LMOD3: variants seen among roughly 807,000 people sequenced by gnomAD.
The protein encoded by LMOD3 is leiomodin-3.
Under a neutral mutation model 41.8 loss-of-function variants are expected in LMOD3, and 31 were observed. The ratio of observed to expected loss-of-function variants is 0.74; its 90% confidence interval spans 0.56 to 1.00. LMOD3 has a LOEUF of 1.00. LMOD3 is among the 50% of genes least tolerant of loss of function. The pLI, the probability that LMOD3 is intolerant of heterozygous loss-of-function variation, is 0.00. For synonymous variants in LMOD3, 292 were observed against 241.9 expected (o/e 1.21, Z -1.92); for missense variants, 755 against 679.5 (o/e 1.11, Z -1.23).
intron 2 of LMOD3, among the ~76,000 whole-genome samples, chr3:69,113,526 C>T (rs2092358594): frequency 6.6e-6 from 1 of 152,118 alleles, no homozygotes; most frequent in Non-Finnish European, 1.5e-5. Context: ...TCATAACAAC[C>T]CCTAATGTGT....
chr3:69,113,438 AC>A (rs2092358221), intron 2 of LMOD3, among the ~76,000 whole-genome samples: 1 of 152,190 alleles, frequency 6.6e-6, no homozygotes, highest in Non-Finnish European at 1.5e-5. Flanking sequence ...GAGAAAGAAG[AC>A]CTCATAAATG....
At chr3:69,121,934 T>C (rs971137050) in intron 1 of LMOD3, among the ~76,000 whole-genome samples, 159 bp downstream of exon 1, 11 of 152,208 alleles carry the variant, frequency 7.2e-5, no homozygotes, top group Admixed American at 2.6e-4. Context: ...TTCAGAAAGT[T>C]CCAGTCGGAG....
At chr3:69,117,266 A>G (rs572005581) in intron 2 of LMOD3, among the ~76,000 whole-genome samples, 8 of 152,380 alleles carry the variant, frequency 5.3e-5, no homozygotes, top group African/African-American at 1.9e-4. Context: ...AGAATGGGCT[A>G]TTGATAATTC....
At chr3:69,120,185 A>G (rs1179278179) in intron 1 of LMOD3, 125 bp from the exon 2 acceptor site, 1 of 1,080,520 alleles carries the variant, frequency 9.3e-7, no homozygotes, top group East Asian at 2.8e-5. Flanking sequence ...AATAATCCTT[A>G]TTTAAATAGC....
At position 69,119,095 on chromosome 3, in the gene LMOD3, T is replaced by C. The variant is rs142390216; in HGVS notation, c.1260A>G (p.Leu420=). The change falls in exon 2 of 3, where the codon TTA becomes TTG. Residue 420 remains leucine (L), a synonymous_variant. Transcript: ENST00000420581. ...CAGGGGGCAGCCCCAACCCATTCTC[T>C]AACATGGCTATCAGCTTCTTCTGTT... The part of the protein sequence containing the change: ...LKEQKKLIAM[L]ENGLGLPPGM... 126 of 1,613,886 alleles carry C rather than the reference T, an allele frequency of 7.8e-5. No individual in the cohort carries two copies. The East Asian group carries it at 2.8e-3, about 36-fold the overall frequency.
chr3:69,120,188 T>A, intron 1 of LMOD3, 128 bp from the exon 2 acceptor site: 1 of 1,040,236 alleles, frequency 9.6e-7, no homozygotes, highest in Non-Finnish European at 1.3e-6. Flanking sequence ...AATCCTTATT[T>A]AAATAGCTGA....
At chr3:69,121,189 T>C (rs1301179921) in intron 1 of LMOD3, among the ~76,000 whole-genome samples, 1 of 152,188 alleles carries the variant, frequency 6.6e-6, no homozygotes, top group Non-Finnish European at 1.5e-5. Flanking sequence ...CATCCATTGA[T>C]CTCCAGTTGT....
chr3:69,113,426 AAGAG>A (rs2092358189), intron 2 of LMOD3, among the ~76,000 whole-genome samples: 1 of 152,214 alleles, frequency 6.6e-6, no homozygotes, highest in Non-Finnish European at 1.5e-5. Flanking sequence ...AATCTGGCTA[AAGAG>A]AAAGAAGACC....
chr3:69,121,075 G>A (rs2092405021), intron 1 of LMOD3, among the ~76,000 whole-genome samples: 2 of 152,116 alleles, frequency 1.3e-5, no homozygotes, highest in Non-Finnish European at 2.9e-5. Flanking sequence ...CCAGAAGGGG[G>A]AGCCAACCAT....
At chr3:69,114,177 T>A (rs1203156130) in intron 2 of LMOD3, among the ~76,000 whole-genome samples, 6 of 152,204 alleles carry the variant, frequency 3.9e-5, no homozygotes, top group Non-Finnish European at 7.3e-5. Flanking sequence ...ATTTTTTCCA[T>A]GCAAGTGCAG....
chr3:69,115,590 C>A (rs1173394282), intron 2 of LMOD3, among the ~76,000 whole-genome samples: 1 of 151,890 alleles, frequency 6.6e-6, no homozygotes, highest in Non-Finnish European at 1.5e-5. Flanking sequence ...CACAGAGAAC[C>A]CCACAAGGTT....
rs147771701 is a variant in LMOD3 at position 69,119,868 on chromosome 3, C to T, written c.487G>A (p.Gly163Ser). The T allele has an allele frequency of 1.3e-6, 2 of 1,555,570 alleles. No individual in the cohort carries two copies. Among genetic ancestry groups the T allele is most frequent in the Non-Finnish European group, 1.7e-6 (2 of 1,147,268 alleles). The change falls in exon 2 of 3, where the codon GGT (glycine) becomes AGT (serine). Residue 163 changes from glycine (G) to serine (S), a missense_variant. Transcript: ENST00000420581. Reference sequence around the variant, plus strand: ...CTGTTCGTTTCTTCACTCTCTTCACCATCATCTTCTCCTTCGTCGTCATCA... The same window carrying T: ...CTGTTCGTTTCTTCACTCTCTTCACTATCATCTTCTCCTTCGTCGTCATCA... Reference protein sequence around the residue: ...DDDDDEGEDDGEESEETNREE... With the variant: ...DDDDDEGEDDSEESEETNREE...
At chr3:69,112,955 A>T (rs547988634) in intron 2 of LMOD3, among the ~76,000 whole-genome samples, 6 of 152,240 alleles carry the variant, frequency 3.9e-5, no homozygotes, top group African/African-American at 1.4e-4. Context: ...TCTGGTTTAT[A>T]TAATTCCTGG....
At chr3:69,120,719 G>A (rs916807182) in intron 1 of LMOD3, among the ~76,000 whole-genome samples, 1 of 151,600 alleles carries the variant, frequency 6.6e-6, no homozygotes, top group African/African-American at 2.4e-5. Context: ...ATGATACTCT[G>A]TCTAGGACAA....
At chr3:69,120,141 A>G (rs2092400657) in intron 1 of LMOD3, 81 bp from the exon 2 acceptor site, 2 of 1,425,268 alleles carry the variant, frequency 1.4e-6, no homozygotes, top group East Asian at 4.8e-5. Flanking sequence ...GAGATAATAA[A>G]AATGCTTATT....
intron 2 of LMOD3, among the ~76,000 whole-genome samples, chr3:69,110,256 G>A (rs2092342187): frequency 6.6e-6 from 1 of 151,670 alleles, no homozygotes; most frequent in Admixed American, 6.6e-5. Context: ...TTTAGACAAA[G>A]TCTTACTCTG....
rs932473785 is a variant in LMOD3 at position 69,106,316 on chromosome 3, G to C, written c.*2779C>G. ...TAGCCCATTCCATTTTCTACAAGGT[G>C]AATTCTGCCGATAAAATCCAATAAA... On this transcript the variant is annotated 3_prime_UTR_variant, in exon 3 of 3. Coordinates refer to ENST00000420581, the MANE Select transcript of LMOD3 (RefSeq NM_198271.5). Among the ~76,000 whole-genome samples the C allele has an allele frequency of 2.6e-5, 4 of 151,878 alleles. No homozygotes were observed. The highest frequency in any genetic ancestry group is 5.9e-5 in the Non-Finnish European group (4 of 68,016).
chr3:69,110,853 A>AAAAAAAAAAAAAAAAAAAAAATAT (rs1458630453), intron 2 of LMOD3, among the ~76,000 whole-genome samples: 1 of 104,168 alleles, frequency 9.6e-6, no homozygotes, highest in African/African-American at 4.8e-5. Flanking sequence ...AAAAAAAAAA[A>AAAAAAAAAAAAAAAAAAAAAATAT]ATATATATAT....
chr3:69,109,026 T>G lies in LMOD3; in HGVS notation c.*69A>C. 1 of 1,325,356 alleles carries G rather than the reference T, an allele frequency of 7.5e-7. No individual in the cohort carries two copies. The highest frequency in any genetic ancestry group is 1.1e-6 in the Non-Finnish European group (1 of 941,812). 82.1% of individuals were successfully genotyped at this position (1,325,356 alleles called of 1,614,324 possible). On this transcript the variant is annotated 3_prime_UTR_variant, in exon 3 of 3. Coordinates refer to ENST00000420581, the MANE Select transcript of LMOD3 (RefSeq NM_198271.5). ...GGATCCTAAAGTATTGCTGCTGACA[T>G]AGTCTCCATGCTGTAATCCAAGAGT... is the stretch of plus-strand genomic sequence containing the variant.
Sources: gnomAD v4.1 joint callset for allele counts (sites outside exome capture counted in the v4.1 genomes callset) on GRCh38, gnomAD v4.1.1 for gene constraint, MANE v1.5 for transcripts, NCBI Gene and HGNC (gene_info 2026-07-23, HGNC 2026-07-21) for gene names.